Variants in MATN2 observed in about 807,000 individuals in gnomAD.
The protein encoded by MATN2 is matrilin-2.
In MATN2, 69 loss-of-function variants were observed where a neutral mutation model predicts 103.2. The observed-to-expected ratio is 0.67, with a 90% CI of 0.55 to 0.82. MATN2 has a LOEUF of 0.82. Among genes scored for constraint, MATN2 ranks in the 40% least tolerant of loss-of-function variants. The probability of loss-of-function intolerance (pLI) is 0.00; values close to 1 mark genes in which losing one functional copy is unlikely to be tolerated. For synonymous variants in MATN2, 429 were observed against 450.2 expected (o/e 0.95, Z 0.60); for missense variants, 1,023 against 1,211.5 (o/e 0.84, Z 2.31).
At chr8:98,034,156 T>C (rs200358257) in intron 18 of MATN2, 1 of 448,324 alleles carries the variant, frequency 2.2e-6, no homozygotes, top group Non-Finnish European at 4.5e-6. Flanking sequence ...TGGTTTTTTC[T>C]TTTTTTTCCC....
At chr8:97,932,127 T>G (rs950712885) in intron 3 of MATN2, among the ~76,000 whole-genome samples, 2 of 152,036 alleles carry the variant, frequency 1.3e-5, no homozygotes, top group African/African-American at 4.8e-5. Context: ...CTCAGGGAGA[T>G]TGCCCTGGGG....
intron 2 of MATN2, among the ~76,000 whole-genome samples, chr8:97,913,371 G>GGT (rs1809515088): frequency 6.7e-6 from 1 of 149,892 alleles, no homozygotes; most frequent in Non-Finnish European, 1.5e-5. Flanking sequence ...TTGGAGTGCA[G>GGT]TGGCACGATC....
intron 5 of MATN2, among the ~76,000 whole-genome samples, chr8:97,976,041 A>C (rs1811824797): frequency 6.6e-6 from 1 of 152,176 alleles, no homozygotes; most frequent in Non-Finnish European, 1.5e-5. Flanking sequence ...CCCCAACATA[A>C]TGGCTTGTGA....
rs775304395 is a variant in MATN2, at chr8:97,888,231, C to T, written c.131C>T (p.Thr44Met). 1.3e-5 allele frequency: 20 copies of T among 1,561,646 alleles called. 1 individual carries two copies. In the Admixed American group the frequency reaches 1.3e-4, roughly 10 times the overall value. Residue 44 changes from threonine to methionine, a missense_variant, in exon 2 of 19, where the codon ACG becomes ATG. Coordinates refer to ENST00000254898, the MANE Select transcript of MATN2 (RefSeq NM_002380.5). ...AGACACGCTCGGACCCACCCGCAGA[C>T]GGCCCTTCTGGGTGAGTGGTGGTGC... ...RGRHARTHPQ[T>M]ALLESSCENK... is the part of the protein sequence containing the mutation.
At position 97,982,319 on chromosome 8, in the gene MATN2, T is replaced by G. The variant is rs1299096384; in HGVS notation, c.1081+3311T>G. On this transcript the variant is annotated intron_variant, in intron 6 of 18. Coordinates refer to ENST00000254898, the MANE Select transcript of MATN2 (RefSeq NM_002380.5). The surrounding 1 kb of genome is among the most constrained non-coding windows in gnomAD (Gnocchi z 4.3). ...ACTAGTTAAAATTACAGAAACAGGATAGAGGCAGAAGCTCAGAACCGAAGC... is the reference window on the plus strand; with the variant it reads ...ACTAGTTAAAATTACAGAAACAGGAGAGAGGCAGAAGCTCAGAACCGAAGC... Among the ~76,000 whole-genome samples the G allele has an allele frequency of 6.6e-6, 1 of 151,498 alleles. No homozygotes were observed. The highest frequency in any genetic ancestry group is 2.5e-5 in the African/African-American group (1 of 40,800).
intron 5 of MATN2, 75 bp from the exon 6 acceptor site, chr8:97,978,808 TATC>T: frequency 1.5e-6 from 2 of 1,321,176 alleles, no homozygotes. Context: ...TAATATCTGT[TATC>T]ATTTTGCCCT....
intron 2 of MATN2, chr8:97,930,612 T>C (rs1008095745): frequency 1.6e-5 from 3 of 186,412 alleles, no homozygotes; most frequent in Admixed American, 5.3e-5. Flanking sequence ...AACTCTCTTT[T>C]AATGTTTTTA....
chr8:97,936,102 G>C (rs1036680628), intron 3 of MATN2, among the ~76,000 whole-genome samples: 1 of 152,168 alleles, frequency 6.6e-6, no homozygotes, highest in African/African-American at 2.4e-5. Context: ...AGACCACCAG[G>C]GAGAGGCCAG....
chr8:98,005,853 G>A lies in MATN2; in HGVS notation c.1328-1252G>A, dbSNP rs1206467811. Among the ~76,000 whole-genome samples the A allele has an allele frequency of 2.0e-5, 3 of 152,228 alleles. No homozygotes were observed. The highest frequency in any genetic ancestry group is 1.9e-4 in the East Asian group (1 of 5,200). On this transcript the variant is annotated intron_variant, in intron 8 of 18. Transcript: ENST00000254898. This position sits in a 1 kb window ranked among gnomAD's most constrained non-coding sequence, Gnocchi z 4.6. Reference sequence around the variant, plus strand: ...GATTAAGTCACTGTCCTGGGGTCCTGTGATTAACAAATGGCAACACTAGGA... The same window carrying A: ...GATTAAGTCACTGTCCTGGGGTCCTATGATTAACAAATGGCAACACTAGGA...
chr8:97,931,208 GC>G lies in MATN2; in HGVS notation c.399del (p.Thr134ProfsTer2), dbSNP rs1157417740. On this transcript the variant is annotated frameshift_variant, in exon 3 of 19. Transcript: ENST00000254898. LOFTEE classifies it high-confidence loss of function. The surrounding 1 kb of genome is among the most constrained non-coding windows in gnomAD (Gnocchi z 4.1). The stretch of plus-strand genomic sequence containing the variant: ...AAGAGGATGCGGCATCTGTCCACGG[GC>G]ACCATGACTGGGCTGGCCATCCAGT... ...AVKRMRHLST[G>X]TMTGLAIQYA... is the part of the protein sequence containing the mutation. 1 of 1,613,528 alleles carries G rather than the reference GC, an allele frequency of 6.2e-7. No homozygotes were observed. The highest frequency in any genetic ancestry group is 1.1e-5 in the South Asian group (1 of 91,058).
Position 98,003,760 on chromosome 8 carries a change from A to G in MATN2, c.1304A>G (p.Asp435Gly). ...YCRCHRGYTL[D>G]PNGKTCSRVD... ...CGCTGCCACCGTGGCTACACTCTGG[A>G]CCCCAATGGCAAAACCTGCAGCCGT... is the stretch of plus-strand genomic sequence containing the variant. The change falls in exon 8 of 19, where the codon GAC (aspartate) becomes GGC (glycine). Residue 435 changes from aspartate (D) to glycine (G), a missense_variant. Physicochemically the swap from Asp to Gly is moderately conservative, Grantham distance 94 (BLOSUM62 -1). Transcript: ENST00000254898. 6.2e-7 allele frequency: 1 copy of G among 1,613,598 alleles called. No homozygotes were observed. Among genetic ancestry groups the G allele is most frequent in the East Asian group, 2.2e-5 (1 of 44,842 alleles).
chr8:97,933,892 C>T (rs1810286458), intron 3 of MATN2, among the ~76,000 whole-genome samples: 1 of 152,182 alleles, frequency 6.6e-6, no homozygotes, highest in African/African-American at 2.4e-5. Context: ...TAGTAACTAA[C>T]ATTTATAAAG....
At chr8:97,972,365 A>AGAAAG (rs1308792812) in intron 5 of MATN2, among the ~76,000 whole-genome samples, 1 of 151,776 alleles carries the variant, frequency 6.6e-6, no homozygotes, top group East Asian at 1.9e-4. Context: ...AGAAAAGAAA[A>AGAAAG]GAAAAGAAAT....
intron 1 of MATN2, among the ~76,000 whole-genome samples, chr8:97,882,427 T>G (rs1432539525): frequency 1.3e-5 from 2 of 152,126 alleles, no homozygotes; most frequent in Non-Finnish European, 2.9e-5. Context: ...GGTCTTGCTC[T>G]GTCACCCAGG....
intron 8 of MATN2, among the ~76,000 whole-genome samples, chr8:98,006,596 G>T (rs1313026553): frequency 6.6e-6 from 1 of 152,220 alleles, no homozygotes; most frequent in Non-Finnish European, 1.5e-5. Context: ...TCTATTAGCT[G>T]TGTGGCTTTG....
At chr8:97,935,208 A>G (rs1397759166) in intron 3 of MATN2, among the ~76,000 whole-genome samples, 1 of 152,026 alleles carries the variant, frequency 6.6e-6, no homozygotes, top group Non-Finnish European at 1.5e-5. Context: ...ACATGTCACT[A>G]TACCTGGCTC....
intron 10 of MATN2, 49 bp from the exon 11 acceptor site, chr8:98,016,491 T>C (rs1813359490): frequency 6.4e-7 from 1 of 1,551,748 alleles, no homozygotes; most frequent in East Asian, 2.3e-5. Context: ...GCCACTAATA[T>C]ATGAGTCATT....
intron 2 of MATN2, among the ~76,000 whole-genome samples, chr8:97,923,127 C>T (rs1349784851): frequency 6.7e-6 from 1 of 149,336 alleles, no homozygotes; most frequent in Non-Finnish European, 1.5e-5. Context: ...TTTGCATGCC[C>T]TTTTTTTTTT....
chr8:97,902,900 C>G (rs902667681), intron 2 of MATN2, among the ~76,000 whole-genome samples: 7 of 152,184 alleles, frequency 4.6e-5, no homozygotes, highest in African/African-American at 1.7e-4. Flanking sequence ...GCAGTCTTGT[C>G]TGTGGAGGAA....
Sources: allele counts gnomAD v4.1 joint callset (sites outside exome capture counted in the v4.1 genomes callset), GRCh38; gene constraint gnomAD v4.1.1; non-coding constraint Gnocchi (gnomAD v3.1); transcripts MANE v1.5; gene names NCBI Gene and HGNC (gene_info 2026-07-23, HGNC 2026-07-21).